The following TBC1D4 variants were observed in gnomAD, a reference collection of about 807,000 sequenced individuals.
The protein encoded by TBC1D4 is TBC (Tre-2, BUB2, CDC16) domain-containing protein.
A neutral mutation model predicts 142.5 loss-of-function variants in TBC1D4; 121 were observed. That is an observed-to-expected ratio of 0.85 (90% confidence interval 0.73 to 0.99). The LOEUF is 0.99. TBC1D4 is among the 50% of genes least tolerant of loss of function. The pLI, the probability that TBC1D4 is intolerant of heterozygous loss-of-function variation, is 0.00. For missense variants in TBC1D4, 1,475 were observed against 1,606.6 expected, an observed-to-expected ratio of 0.92 and a Z score of 1.40; for synonymous variants, 630 against 628.2, an observed-to-expected ratio of 1.00 and a Z score of -0.04.
intron 1 of TBC1D4, among the ~76,000 whole-genome samples, chr13:75,439,290 CATTT>C (rs535405065): frequency 3.2e-4 from 49 of 152,142 alleles, no homozygotes; most frequent in Admixed American, 1.1e-3. Context: ...GATTTTGATT[CATTT>C]AAGGCCAAGT....
intron 4 of TBC1D4, among the ~76,000 whole-genome samples, chr13:75,350,811 T>C (rs1036531744): frequency 4.6e-5 from 7 of 152,286 alleles, no homozygotes; most frequent in Middle Eastern, 3.4e-3. Context: ...TTCTGGGTCA[T>C]GGTGTCTGAA....
chr13:75,454,587 C>T (rs1161726844), intron 1 of TBC1D4, among the ~76,000 whole-genome samples: 1 of 152,158 alleles, frequency 6.6e-6, no homozygotes, highest in Non-Finnish European at 1.5e-5. Context: ...CAGATTCTAC[C>T]TTGCTATATT....
At chr13:75,370,045 C>T (rs76109543) in intron 1 of TBC1D4, among the ~76,000 whole-genome samples, 8,596 of 152,188 alleles carry the variant, frequency 0.056, 714 homozygotes, top group African/African-American at 0.18. Flanking sequence ...AGGGAAAGGA[C>T]TCTCTATAAG....
At chr13:75,425,126 T>C (rs1451860178) in intron 1 of TBC1D4, among the ~76,000 whole-genome samples, 1 of 148,306 alleles carries the variant, frequency 6.7e-6, no homozygotes, top group African/African-American at 2.6e-5. Flanking sequence ...ATCCCAAATA[T>C]ATAAGGAACA....
chr13:75,330,912 C>T (rs1879690551), intron 8 of TBC1D4, among the ~76,000 whole-genome samples: 1 of 152,188 alleles, frequency 6.6e-6, no homozygotes, highest in Non-Finnish European at 1.5e-5. Flanking sequence ...TTTAGCGCTA[C>T]TTACACGCCC....
intron 1 of TBC1D4, among the ~76,000 whole-genome samples, chr13:75,415,104 A>G (rs554796835): frequency 1.2e-4 from 18 of 147,116 alleles, no homozygotes; most frequent in African/African-American, 4.5e-4. Flanking sequence ...AGCCTGGGTG[A>G]CAGAGCAAGA....
At chr13:75,340,388 A>G (rs943259285) in intron 7 of TBC1D4, among the ~76,000 whole-genome samples, 26 of 152,232 alleles carry the variant, frequency 1.7e-4, no homozygotes, top group African/African-American at 6.3e-4. Context: ...ATGCACAAAA[A>G]TACCATCCCT....
chr13:75,360,470 A>AG (rs1882412808), intron 2 of TBC1D4, among the ~76,000 whole-genome samples: 5 of 152,354 alleles, frequency 3.3e-5, no homozygotes, highest in African/African-American at 1.2e-4. Flanking sequence ...CCAGGGGTCA[A>AG]GGCTGTAGTG....
At chr13:75,439,103 A>G (rs1395754643) in intron 1 of TBC1D4, among the ~76,000 whole-genome samples, 3 of 152,282 alleles carry the variant, frequency 2.0e-5, no homozygotes, top group East Asian at 1.9e-4. Flanking sequence ...TGTGTTTGCC[A>G]TAGACAAAAT....
chr13:75,400,910 C>T (rs991934004), intron 1 of TBC1D4, among the ~76,000 whole-genome samples: 2 of 152,158 alleles, frequency 1.3e-5, no homozygotes, highest in Non-Finnish European at 2.9e-5. Flanking sequence ...GCAATGAGCA[C>T]TCCAGAGAAA....
chr13:75,407,879 A>T (rs1291764282), intron 1 of TBC1D4, among the ~76,000 whole-genome samples: 1 of 152,222 alleles, frequency 6.6e-6, no homozygotes, highest in Non-Finnish European at 1.5e-5. Flanking sequence ...AGAAAAAAAA[A>T]AGAAAAGAGA....
At chr13:75,326,990 A>G (rs1395634439) in intron 9 of TBC1D4, among the ~76,000 whole-genome samples, 1 of 152,216 alleles carries the variant, frequency 6.6e-6, no homozygotes, top group Non-Finnish European at 1.5e-5. Flanking sequence ...TTTCTATTCA[A>G]TTACATGTTC....
intron 8 of TBC1D4, among the ~76,000 whole-genome samples, chr13:75,333,201 A>G (rs1415950646): frequency 7.9e-5 from 12 of 152,224 alleles, no homozygotes. Flanking sequence ...TTAAAAAGTC[A>G]TCAAGGGTAC....
chr13:75,326,060 A>G, intron 10 of TBC1D4, 137 bp downstream of exon 10: 1 of 976,398 alleles, frequency 1.0e-6, no homozygotes. Flanking sequence ...AAATGAGGTA[A>G]CTTAATTTGT....
chr13:75,419,280 C>A (rs927538265), intron 1 of TBC1D4, among the ~76,000 whole-genome samples: 2 of 152,202 alleles, frequency 1.3e-5, no homozygotes, highest in African/African-American at 2.4e-5. Context: ...CATTTGGCCT[C>A]TCTACCGTTC....
At chr13:75,447,221 A>T (rs952775549) in intron 1 of TBC1D4, among the ~76,000 whole-genome samples, 3 of 152,134 alleles carry the variant, frequency 2.0e-5, no homozygotes, top group Admixed American at 6.5e-5. Flanking sequence ...CAACGGTAGA[A>T]GTATGGAAGG....
chr13:75,456,534 A>T (rs370267210), intron 1 of TBC1D4, among the ~76,000 whole-genome samples: 25 of 152,314 alleles, frequency 1.6e-4, no homozygotes, highest in African/African-American at 6.0e-4. Flanking sequence ...TGGCCAATGC[A>T]TATGAAAAGG....
chr13:75,474,476 G>A (rs1051469373), intron 1 of TBC1D4, among the ~76,000 whole-genome samples: 19 of 152,058 alleles, frequency 1.2e-4, no homozygotes, highest in Non-Finnish European at 2.6e-4. Flanking sequence ...GGAGAATGGC[G>A]TGAACCCGGA....
intron 1 of TBC1D4, among the ~76,000 whole-genome samples, chr13:75,442,865 A>T (rs1003886902): frequency 8.5e-5 from 13 of 152,174 alleles, no homozygotes; most frequent in African/African-American, 3.1e-4. Context: ...CAGAAAAAGA[A>T]AACAGAAACA....
Sources: gnomAD v4.1 joint callset for allele counts (sites outside exome capture counted in the v4.1 genomes callset) on GRCh38, gnomAD v4.1.1 for gene constraint, MANE v1.5 for transcripts, NCBI Gene and HGNC (gene_info 2026-07-23, HGNC 2026-07-21) for gene names.